SUMF1: variants seen among roughly 807,000 people sequenced by gnomAD.
SUMF1 encodes the protein formylglycine-generating enzyme.
Under a neutral mutation model 47.6 loss-of-function variants are expected in SUMF1, and 48 were observed. That is an observed-to-expected ratio of 1.01 (90% confidence interval 0.80 to 1.28). The LOEUF is 1.28. Among genes scored for constraint, SUMF1 ranks in the 50% most tolerant of loss-of-function variants. The pLI is 0.00. For missense variants in SUMF1, 571 were observed against 485.4 expected (o/e 1.18, Z -1.66); for synonymous variants, 230 against 192.1 (o/e 1.20, Z -1.63).
At position 4,417,160 on chromosome 3, in the gene SUMF1, T is replaced by A; in HGVS notation, c.808A>T (p.Thr270Ser). 6.2e-7 allele frequency: 1 copy of A among 1,613,960 alleles called. No individual in the cohort carries two copies. The change falls in exon 6 of 9, where the codon ACT becomes TCT. Residue 270 changes from threonine (T) to serine (S), a missense_variant. By Grantham distance (58) the Thr-to-Ser change is moderately conservative. Transcript: ENST00000272902. Reference protein sequence around the residue: ...IWQGEFPVTNTGEDGFQGTAP... With the variant: ...IWQGEFPVTNSGEDGFQGTAP... Reference sequence around the variant, plus strand: ...GTTCCTTGGAAGCCATCCTCACCAGTGTTGGTCACCGGAAACTCGCCCTGC... The same window carrying A: ...GTTCCTTGGAAGCCATCCTCACCAGAGTTGGTCACCGGAAACTCGCCCTGC...
intron 8 of SUMF1, among the ~76,000 whole-genome samples, chr3:4,275,870 A>T (rs971175754): frequency 2.6e-5 from 4 of 152,236 alleles, no homozygotes; most frequent in Admixed American, 2.0e-4. Flanking sequence ...GCTTTAGAAC[A>T]GTAGCAGAAA....
intron 8 of SUMF1, among the ~76,000 whole-genome samples, chr3:4,082,677 A>G (rs1250350432): frequency 1.3e-5 from 2 of 152,084 alleles, no homozygotes; most frequent in Non-Finnish European, 2.9e-5. Flanking sequence ...AAACAACTCA[A>G]TTACCCATAT....
intron 8 of SUMF1, among the ~76,000 whole-genome samples, chr3:4,365,871 T>C (rs1350170455): frequency 6.6e-6 from 1 of 152,212 alleles, no homozygotes; most frequent in Non-Finnish European, 1.5e-5. Flanking sequence ...TTCCTTTCCA[T>C]ATTTAGTGTT....
chr3:4,314,891 G>A (rs1400495475), intron 8 of SUMF1, among the ~76,000 whole-genome samples: 2 of 152,112 alleles, frequency 1.3e-5, no homozygotes, highest in Admixed American at 1.3e-4. Flanking sequence ...CTACCACTAG[G>A]AGGCCCTGCA....
chr3:4,145,476 T>C (rs1174007277), intron 8 of SUMF1, among the ~76,000 whole-genome samples: 3 of 152,144 alleles, frequency 2.0e-5, no homozygotes, highest in Non-Finnish European at 4.4e-5. Flanking sequence ...AATTCATATC[T>C]TGTCCCTCTT....
At chr3:4,231,485 T>C (rs1162494256) in intron 8 of SUMF1, among the ~76,000 whole-genome samples, 1 of 152,190 alleles carries the variant, frequency 6.6e-6, no homozygotes, top group African/African-American at 2.4e-5. Flanking sequence ...TCCCTTGCTG[T>C]TACCCAAACA....
intron 8 of SUMF1, among the ~76,000 whole-genome samples, chr3:4,078,342 C>T (rs911747579): frequency 4.6e-5 from 7 of 152,068 alleles, no homozygotes; most frequent in Non-Finnish European, 7.4e-5. Context: ...TATCCACTAC[C>T]TGTGAACGTA....
intron 1 of SUMF1, among the ~76,000 whole-genome samples, chr3:4,460,119 ACAAATG>A (rs1230269495): frequency 6.6e-6 from 1 of 152,238 alleles, no homozygotes; most frequent in Non-Finnish European, 1.5e-5. Context: ...AGCAAGGTGC[ACAAATG>A]CTAAGTATGG....
chr3:4,267,100 T>G (rs1697211357), intron 8 of SUMF1, among the ~76,000 whole-genome samples: 1 of 152,166 alleles, frequency 6.6e-6, no homozygotes, highest in Non-Finnish European at 1.5e-5. Context: ...GGATAAGCTT[T>G]TTGATGTGCT....
chr3:4,303,570 C>A (rs1176674030), intron 8 of SUMF1: 2 of 1,340,524 alleles, frequency 1.5e-6, no homozygotes, highest in Non-Finnish European at 1.9e-6. Flanking sequence ...CGCGCGGCTC[C>A]CCCACGTGGT....
At chr3:4,442,909 A>G (rs967486245) in intron 3 of SUMF1, among the ~76,000 whole-genome samples, 1 of 152,002 alleles carries the variant, frequency 6.6e-6, no homozygotes, top group Non-Finnish European at 1.5e-5. Context: ...GCAGCAGAAC[A>G]ACATCCTTAT....
chr3:4,200,693 C>T (rs1044420441), intron 8 of SUMF1, among the ~76,000 whole-genome samples: 12 of 152,092 alleles, frequency 7.9e-5, no homozygotes, highest in African/African-American at 2.9e-4. Context: ...GAGGCAATTT[C>T]CTTTATGGAT....
At chr3:4,170,225 G>A (rs1289431351) in intron 8 of SUMF1, among the ~76,000 whole-genome samples, 1 of 152,120 alleles carries the variant, frequency 6.6e-6, no homozygotes, top group African/African-American at 2.4e-5. Context: ...TTACTATCTG[G>A]CTAGTTACAT....
At chr3:4,075,625 G>A (rs771497277) in intron 8 of SUMF1, among the ~76,000 whole-genome samples, 3 of 152,024 alleles carry the variant, frequency 2.0e-5, no homozygotes, top group Non-Finnish European at 4.4e-5. Context: ...GTAAGCTGAT[G>A]AGTAACTTCA....
intron 8 of SUMF1, among the ~76,000 whole-genome samples, chr3:4,209,594 G>A (rs949919976): frequency 1.3e-5 from 2 of 151,710 alleles, no homozygotes; most frequent in Non-Finnish European, 2.9e-5. Flanking sequence ...AAATTTATTA[G>A]ATCTTAGAGA....
At chr3:4,326,282 T>A (rs1250020950) in intron 8 of SUMF1, among the ~76,000 whole-genome samples, 1 of 152,226 alleles carries the variant, frequency 6.6e-6, no homozygotes, top group African/African-American at 2.4e-5. Context: ...AGGCTTTTTT[T>A]AAATTGGCTT....
chr3:4,378,874 TC>T lies in SUMF1; in HGVS notation c.955-2486del, dbSNP rs532839763. Among the ~76,000 whole-genome samples the T allele has an allele frequency of 4.6e-5, 7 of 152,258 alleles. No individual in the cohort carries two copies. In the South Asian group the frequency reaches 1.4e-3, roughly 32 times the overall value. ...GTGCAATTTAGACTCCTCAAGTAGA[TC>T]TAGGAACAAGAAGGAGTTGATTTGC... On this transcript the variant is annotated intron_variant, in intron 7 of 8. Transcript: ENST00000272902.
chr3:4,234,047 C>T (rs1273378503), intron 8 of SUMF1, among the ~76,000 whole-genome samples: 2 of 151,974 alleles, frequency 1.3e-5, no homozygotes, highest in African/African-American at 2.4e-5. Flanking sequence ...TTTCTAAAGG[C>T]GCCTAAACTG....
Position 4,045,153 on chromosome 3 carries a change from T to A in SUMF1, c.1191+23416A>T, listed in dbSNP as rs897513458. On this transcript the variant is annotated intron_variant and NMD_transcript_variant, in intron 9 of 12. Coordinates refer to the SUMF1 transcript ENST00000448413. ...CAGTCCACAGTCAGTTAATTATAAG[T>A]ACAGGAGATTATCCTAGGTAATCTG... Among the ~76,000 whole-genome samples, 12 of 152,278 alleles carry A rather than the reference T, an allele frequency of 7.9e-5. No individual in the cohort carries two copies. In the South Asian group the frequency reaches 2.5e-3, roughly 32 times the overall value.
Sources: gnomAD v4.1 joint callset for allele counts (sites outside exome capture counted in the v4.1 genomes callset) on GRCh38, gnomAD v4.1.1 for gene constraint, MANE v1.5 for transcripts, NCBI Gene and HGNC (gene_info 2026-07-23, HGNC 2026-07-21) for gene names.